The following CYFIP2 variants were observed in gnomAD, a reference collection of about 807,000 sequenced individuals.
The protein encoded by CYFIP2 is cytoplasmic FMR1-interacting protein 2.
In CYFIP2, 29 loss-of-function variants were observed where a neutral mutation model predicts 158.7. The observed-to-expected ratio is 0.18, with a 90% CI of 0.14 to 0.25. The LOEUF (loss-of-function observed/expected upper bound fraction) is 0.25, where lower values mean the gene tolerates loss of function less well. Ranked by LOEUF, CYFIP2 falls within the 10% of genes least tolerant of loss-of-function variation. The probability of loss-of-function intolerance (pLI) is 1.00; values close to 1 mark genes in which losing one functional copy is unlikely to be tolerated. For missense variants in CYFIP2, 852 were observed against 1,639.5 expected (o/e 0.52, Z 8.29); for synonymous variants, 585 against 617.6 (o/e 0.95, Z 0.78).
At chr5:157,310,321 C>T (rs766542544) in intron 10 of CYFIP2, among the ~76,000 whole-genome samples, 1 of 152,210 alleles carries the variant, frequency 6.6e-6, no homozygotes, top group South Asian at 2.1e-4. Context: ...CAGTGCTTCA[C>T]TGAAGTTGGG....
At chr5:157,375,842 A>G (rs2113469564) in intron 26 of CYFIP2, 1 of 152,242 alleles carries the variant, frequency 6.6e-6, no homozygotes, top group South Asian at 2.1e-4. Context: ...ATGAATGCGA[A>G]GTCTCCAGCG....
intron 24 of CYFIP2, 145 bp from the exon 25 acceptor site, chr5:157,360,137 G>C: frequency 1.7e-6 from 1 of 576,500 alleles, no homozygotes; most frequent in Non-Finnish European, 3.0e-6. Context: ...TCTTATAAAG[G>C]CTTATTTTCC....
chr5:157,368,902 GT>G (rs57932474), intron 26 of CYFIP2, among the ~76,000 whole-genome samples: 40,757 of 143,228 alleles, frequency 0.28, 5,599 homozygotes, highest in Non-Finnish European at 0.33. Context: ...TTGTTTTTTT[GT>G]TTTTTTTTTT....
intron 1 of CYFIP2, among the ~76,000 whole-genome samples, chr5:157,283,719 T>A (rs930526661): frequency 6.6e-6 from 1 of 152,112 alleles, no homozygotes; most frequent in Admixed American, 6.5e-5. Flanking sequence ...CAGCAGCCAG[T>A]GAAGGCTCAG....
rs1324277192 is a variant in CYFIP2, at chr5:157,319,782, C to T, written c.1377C>T (p.Gly459=). ...AFVEVIAMIK[G]LQVLMGRMES... ...CCCAGGTGATCGCCATGATCAAAGG[C>T]CTGCAGGTGCTCATGGGCAGGATGG... Residue 459 remains glycine, a synonymous_variant, in exon 14 of 31, where the codon GGC becomes GGT. Transcript: ENST00000620254. 6 of 1,614,078 alleles carry T rather than the reference C, an allele frequency of 3.7e-6. No individual in the cohort carries two copies. The highest frequency in any genetic ancestry group is 5.1e-6 in the Non-Finnish European group (6 of 1,179,922).
At position 157,304,373 on chromosome 5, in the gene CYFIP2, C is replaced by A. The variant is rs756494782; in HGVS notation, c.795+7C>A. ...GAAACATATGCTCCTCAAGGTAAAA[C>A]TCCCCTGAGGCCGCACCCATGGAGC... On this transcript the variant is annotated splice_region_variant and intron_variant, in intron 8 of 30. Transcript: ENST00000620254. 5.6e-6 allele frequency: 9 copies of A among 1,612,424 alleles called. No homozygotes were observed. The highest frequency in any genetic ancestry group is 3.3e-4 in the Middle Eastern group (2 of 6,070).
At chr5:157,323,803 C>T in intron 15 of CYFIP2, 118 bp from the exon 16 acceptor site, 1 of 1,230,202 alleles carries the variant, frequency 8.1e-7, no homozygotes, top group African/African-American at 1.5e-5. Context: ...TAGGACAGTG[C>T]TTTTTAAGAG....
intron 23 of CYFIP2, chr5:157,343,055 CAT>C (rs759777673): frequency 6.2e-7 from 1 of 1,614,214 alleles, no homozygotes; most frequent in South Asian, 1.1e-5. Flanking sequence ...CTCCTCTGGC[CAT>C]CTCACCAACC....
intron 3 of CYFIP2, among the ~76,000 whole-genome samples, chr5:157,292,367 G>A (rs370631770): frequency 6.6e-6 from 1 of 152,018 alleles, no homozygotes; most frequent in East Asian, 1.9e-4. Flanking sequence ...TTATAGGCAT[G>A]CACCACCATG....
intron 3 of CYFIP2, chr5:157,288,540 C>T (rs1490000185): frequency 4.4e-6 from 2 of 453,272 alleles, no homozygotes. Flanking sequence ...AGATAGGGGC[C>T]AGTCCTGATC....
At chr5:157,386,555 C>G (rs1766712496) in intron 28 of CYFIP2, among the ~76,000 whole-genome samples, 1 of 152,174 alleles carries the variant, frequency 6.6e-6, no homozygotes, top group South Asian at 2.1e-4. Context: ...AATATTTATA[C>G]TCATTGACCC....
At chr5:157,279,859 A>C (rs919293204) in intron 1 of CYFIP2, among the ~76,000 whole-genome samples, 1 of 152,252 alleles carries the variant, frequency 6.6e-6, no homozygotes, top group African/African-American at 2.4e-5. Context: ...CTTGGGCAGG[A>C]AAGAAGTACG....
chr5:157,347,816 A>T (rs1244931808), intron 23 of CYFIP2, among the ~76,000 whole-genome samples: 1 of 152,206 alleles, frequency 6.6e-6, no homozygotes, highest in Non-Finnish European at 1.5e-5. Context: ...CAGTCCTGGG[A>T]GAAGACATGG....
At chr5:157,288,894 G>A (rs1183534074) in intron 3 of CYFIP2, among the ~76,000 whole-genome samples, 1 of 152,224 alleles carries the variant, frequency 6.6e-6, no homozygotes, top group Non-Finnish European at 1.5e-5. Context: ...CCTTGAGAGA[G>A]TCAGAGAAAG....
rs1204976146 is a variant in CYFIP2, at chr5:157,361,086, AATGAG to A, written c.2909-379_2909-375del. ...GTGCCTAGTTAGTGATATTGTATTA[AATGAG>A]ATATTACAGATAAAGTGCTCAGCAC... On this transcript the variant is annotated intron_variant, in intron 25 of 30. Coordinates refer to ENST00000620254, the MANE Select transcript of CYFIP2 (RefSeq NM_001037333.3). The surrounding 1 kb of genome is among the most constrained non-coding windows in gnomAD (Gnocchi z 4.4). 2.6e-5 allele frequency among the ~76,000 whole-genome samples: 4 copies of A among 152,330 alleles called. No homozygotes were observed. Among genetic ancestry groups the A allele is most frequent in the Admixed American group, 6.5e-5 (1 of 15,304 alleles).
Position 157,300,909 on chromosome 5 carries a change from T to A in CYFIP2, c.569+13T>A, listed in dbSNP as rs1758689162. 6.6e-7 allele frequency: 1 copy of A among 1,524,390 alleles called. No homozygotes were observed. The highest frequency in any genetic ancestry group is 8.9e-7 in the Non-Finnish European group (1 of 1,127,566). The allele number at this position is 1,524,390 out of a possible 1,614,324, so 94.4% of individuals were successfully genotyped here. On this transcript the variant is annotated intron_variant, in intron 6 of 30. Transcript: ENST00000620254. ...CTGCCTACAAGAGGTCAGGGCAACCTCCCCCTCTCCCCTTTCCCCATCCAG... is the reference window on the plus strand; with the variant it reads ...CTGCCTACAAGAGGTCAGGGCAACCACCCCCTCTCCCCTTTCCCCATCCAG...
chr5:157,335,544 T>C (rs1761789395), intron 21 of CYFIP2, among the ~76,000 whole-genome samples: 1 of 152,136 alleles, frequency 6.6e-6, no homozygotes, highest in Non-Finnish European at 1.5e-5. Flanking sequence ...CCAAGAGTCT[T>C]TTGTATACAT....
chr5:157,382,559 G>T (rs766487881), intron 26 of CYFIP2, 31 bp from the exon 27 acceptor site: 1 of 1,611,806 alleles, frequency 6.2e-7, no homozygotes, highest in Non-Finnish European at 8.5e-7. Context: ...AATGAAAATT[G>T]TTTTCTCTTT....
chr5:157,343,177 C>G, intron 23 of CYFIP2: 2 of 1,614,218 alleles, frequency 1.2e-6, no homozygotes, highest in Non-Finnish European at 1.7e-6. Context: ...AGCAGGCCAG[C>G]AGAATGGCCA....
Sources: allele counts gnomAD v4.1 joint callset (sites outside exome capture counted in the v4.1 genomes callset), GRCh38; gene constraint gnomAD v4.1.1; non-coding constraint Gnocchi (gnomAD v3.1); transcripts MANE v1.5; gene names NCBI Gene and HGNC (gene_info 2026-07-23, HGNC 2026-07-21).